Variants in KAZN observed in about 807,000 individuals in gnomAD.
KAZN encodes kazrin.
In KAZN, 40 loss-of-function variants were observed where a neutral mutation model predicts 87.4. The observed-to-expected ratio is 0.46, with a 90% CI of 0.36 to 0.60. The LOEUF (loss-of-function observed/expected upper bound fraction) is 0.60, where lower values mean the gene tolerates loss of function less well. Among genes scored for constraint, KAZN ranks in the 20% least tolerant of loss-of-function variants. The probability of loss-of-function intolerance (pLI) is 0.00; values close to 1 mark genes in which losing one functional copy is unlikely to be tolerated. For synonymous variants in KAZN, 466 were observed against 458.3 expected, an observed-to-expected ratio of 1.02 and a Z score of -0.22; for missense variants, 898 against 1,073.9, an observed-to-expected ratio of 0.84 and a Z score of 2.29.
chr1:15,054,873 T>G (rs1674786056), intron 4 of KAZN, among the ~76,000 whole-genome samples: 1 of 152,236 alleles, frequency 6.6e-6, no homozygotes. Context: ...AGCCTCACAC[T>G]TGTCCCTGGG....
At chr1:15,008,651 C>G (rs1669272740) in intron 2 of KAZN, among the ~76,000 whole-genome samples, 1 of 152,232 alleles carries the variant, frequency 6.6e-6, no homozygotes, top group Non-Finnish European at 1.5e-5. Context: ...GGCTTCTAGC[C>G]CTGGTATCTG....
At chr1:14,116,337 A>G (rs565350611) in intron 1 of KAZN, among the ~76,000 whole-genome samples, 1 of 152,286 alleles carries the variant, frequency 6.6e-6, no homozygotes, top group South Asian at 2.1e-4. Context: ...TGTGCAGCCT[A>G]GGGATCTGGC....
At position 14,693,381 on chromosome 1, in the gene KAZN, G is replaced by T. The variant is rs546265379; in HGVS notation, c.226+94158G>T. ...TGCTGTCATTCTAAATGTTGGTATTGCGTCTCTGGGTCTAGCCTGCGTGTT... is the reference window on the plus strand; with the variant it reads ...TGCTGTCATTCTAAATGTTGGTATTTCGTCTCTGGGTCTAGCCTGCGTGTT... On this transcript the variant is annotated intron_variant, in intron 1 of 14. Transcript: ENST00000376030. 1.2e-4 allele frequency among the ~76,000 whole-genome samples: 18 copies of T among 152,312 alleles called. 1 individual carries two copies. The South Asian group carries it at 3.7e-3, about 32-fold the overall frequency.
chr1:14,571,873 T>C (rs114277646), intron 2 of KAZN, among the ~76,000 whole-genome samples: 58 of 152,048 alleles, frequency 3.8e-4, no homozygotes, highest in African/African-American at 1.3e-3. Flanking sequence ...AGCACCAGAG[T>C]GGGCTGACAG....
chr1:14,604,348 A>C (rs184778990), intron 1 of KAZN, among the ~76,000 whole-genome samples: 7 of 152,316 alleles, frequency 4.6e-5, no homozygotes, highest in Admixed American at 2.0e-4. Flanking sequence ...GATTCATAGC[A>C]GCTAAGAGTT....
At chr1:14,916,061 G>A (rs146544532) in intron 1 of KAZN, among the ~76,000 whole-genome samples, 28 of 152,172 alleles carry the variant, frequency 1.8e-4, no homozygotes, top group African/African-American at 6.3e-4. Flanking sequence ...CTGGGTTGTG[G>A]GGAGGATTAA....
intron 1 of KAZN, among the ~76,000 whole-genome samples, chr1:14,097,915 T>C (rs978304034): frequency 7.9e-5 from 12 of 152,204 alleles, no homozygotes; most frequent in African/African-American, 1.9e-4. Context: ...GTGCTGTCTT[T>C]GGGAATATTA....
intron 1 of KAZN, among the ~76,000 whole-genome samples, chr1:14,136,412 T>A (rs904153536): frequency 1.4e-4 from 22 of 152,288 alleles, no homozygotes; most frequent in African/African-American, 4.8e-4. Context: ...GAAAGCTTCA[T>A]AAAGTGCTTA....
At chr1:14,893,682 C>T (rs1244345871) in intron 1 of KAZN, among the ~76,000 whole-genome samples, 3 of 152,134 alleles carry the variant, frequency 2.0e-5, no homozygotes, top group Non-Finnish European at 4.4e-5. Context: ...CCCTTGGTCT[C>T]AGACCCTGAG....
chr1:14,008,454 A>T (rs1003753738), intron 1 of KAZN, among the ~76,000 whole-genome samples: 2 of 152,228 alleles, frequency 1.3e-5, no homozygotes, highest in East Asian at 3.8e-4. Flanking sequence ...GACATGGATT[A>T]TCTGTTCATT....
At chr1:13,984,667 A>G (rs1638924243) in intron 1 of KAZN, among the ~76,000 whole-genome samples, 1 of 152,200 alleles carries the variant, frequency 6.6e-6, no homozygotes, top group Non-Finnish European at 1.5e-5. Context: ...ATGTTACTAT[A>G]TATAAGCATA....
intron 1 of KAZN, among the ~76,000 whole-genome samples, chr1:14,150,493 G>A (rs1645448689): frequency 2.0e-5 from 3 of 152,146 alleles, no homozygotes; most frequent in Non-Finnish European, 2.9e-5. Context: ...TTGTGCCATC[G>A]AAATCTGTAC....
At chr1:14,167,540 T>C (rs1645857438) in intron 1 of KAZN, among the ~76,000 whole-genome samples, 1 of 152,062 alleles carries the variant, frequency 6.6e-6, no homozygotes, top group Non-Finnish European at 1.5e-5. Context: ...CTGGCCAACA[T>C]GGGGAAACCC....
At chr1:14,982,417 ATTTTTTT>A (rs71000353) in intron 2 of KAZN, among the ~76,000 whole-genome samples, 3 of 64,828 alleles carry the variant, frequency 4.6e-5, no homozygotes, top group African/African-American at 7.9e-5. Flanking sequence ...AGCACCTGAG[ATTTTTTT>A]TTTTTTTTTT....
At chr1:14,629,041 T>G (rs1040569683) in intron 1 of KAZN, among the ~76,000 whole-genome samples, 3 of 152,004 alleles carry the variant, frequency 2.0e-5, no homozygotes, top group African/African-American at 4.8e-5. Context: ...GAGACGGGGT[T>G]TCACCATGTT....
At chr1:14,082,088 C>T (rs1332826604) in intron 1 of KAZN, among the ~76,000 whole-genome samples, 1 of 152,136 alleles carries the variant, frequency 6.6e-6, no homozygotes, top group Admixed American at 6.5e-5. Context: ...TCTGTTCCTT[C>T]TAGCATCTCT....
At chr1:14,201,090 T>C (rs1291985697) in intron 2 of KAZN, among the ~76,000 whole-genome samples, 3 of 152,210 alleles carry the variant, frequency 2.0e-5, no homozygotes, top group Non-Finnish European at 4.4e-5. Flanking sequence ...GGTTAGATAA[T>C]GAATGATGAG....
intron 1 of KAZN, among the ~76,000 whole-genome samples, chr1:14,137,180 A>G (rs759373387): frequency 1.3e-5 from 2 of 152,190 alleles, no homozygotes; most frequent in Non-Finnish European, 2.9e-5. Flanking sequence ...AGTCCAGCCC[A>G]GTCCTTAGGA....
At chr1:14,603,368 GGTTAAAATAGAGT>G (rs1236565270) in intron 1 of KAZN, among the ~76,000 whole-genome samples, 1 of 143,844 alleles carries the variant, frequency 7.0e-6, no homozygotes, top group Non-Finnish European at 1.5e-5. Flanking sequence ...CAGATCAAGG[GGTTAAAATAGAGT>G]GTGTCTTTTC....
Sources: gnomAD v4.1 joint callset for allele counts (sites outside exome capture counted in the v4.1 genomes callset) on GRCh38, gnomAD v4.1.1 for gene constraint, MANE v1.5 for transcripts, NCBI Gene and HGNC (gene_info 2026-07-23, HGNC 2026-07-21) for gene names.